COL23A1: variants seen among roughly 807,000 people sequenced by gnomAD.
The protein encoded by COL23A1 is collagen alpha-1(XXIII) chain.
In COL23A1, 97 loss-of-function variants were observed where a neutral mutation model predicts 99.3. The observed-to-expected ratio is 0.98, with a 90% CI of 0.83 to 1.16. The LOEUF (loss-of-function observed/expected upper bound fraction) is 1.16. Among genes scored for constraint, COL23A1 ranks in the 50% most tolerant of loss-of-function variants. The pLI is 0.00. For synonymous variants in COL23A1, 320 were observed against 308.2 expected, an observed-to-expected ratio of 1.04 and a Z score of -0.40; for missense variants, 762 against 757.4, an observed-to-expected ratio of 1.01 and a Z score of -0.07.
chr5:178,285,213 T>C (rs1187777417), intron 5 of COL23A1, among the ~76,000 whole-genome samples: 1 of 152,166 alleles, frequency 6.6e-6, no homozygotes, highest in African/African-American at 2.4e-5. Flanking sequence ...CACATGGACC[T>C]GGTTTCAGCT....
At chr5:178,258,262 T>TATATATATATACACAC in intron 12 of COL23A1, among the ~76,000 whole-genome samples, 14 of 104,066 alleles carry the variant, frequency 1.3e-4, no homozygotes, top group Non-Finnish European at 2.5e-4. Flanking sequence ...TATATATATA[T>TATATATATATACACAC]ACACATGCAA....
At chr5:178,419,765 G>A (rs1036999126) in intron 2 of COL23A1, among the ~76,000 whole-genome samples, 1 of 152,192 alleles carries the variant, frequency 6.6e-6, no homozygotes, top group Non-Finnish European at 1.5e-5. Context: ...TAACTTACTA[G>A]TATGCACCTG....
intron 2 of COL23A1, among the ~76,000 whole-genome samples, chr5:178,418,759 C>T (rs4349734): frequency 0.59 from 89,040 of 152,178 alleles, 27,466 homozygotes; most frequent in African/African-American, 0.79. Context: ...CCGTGCAGCA[C>T]CCTCTGCTTG....
At position 178,406,460 on chromosome 5, in the gene COL23A1, C is replaced by T. The variant is rs185502058; in HGVS notation, c.362-99541G>A. On this transcript the variant is annotated intron_variant, in intron 2 of 28. Coordinates refer to ENST00000390654, the MANE Select transcript of COL23A1 (RefSeq NM_173465.4). ...TTTTTTTTTTCTTGAGACGGAGTCT[C>T]GCTCTGTCATCCAGGCTGGAGTGAA... 8.9e-4 allele frequency among the ~76,000 whole-genome samples: 131 copies of T among 146,590 alleles called. 1 individual carries two copies. Among genetic ancestry groups the T allele is most frequent in the African/African-American group, 3.1e-3 (122 of 39,908 alleles).
chr5:178,477,527 A>G (rs1757095841), intron 2 of COL23A1, among the ~76,000 whole-genome samples: 1 of 152,194 alleles, frequency 6.6e-6, no homozygotes, highest in Non-Finnish European at 1.5e-5. Flanking sequence ...AGTGTCTTTC[A>G]TGTCTCCTTA....
At chr5:178,258,105 G>A (rs1382665530) in intron 12 of COL23A1, among the ~76,000 whole-genome samples, 1 of 151,780 alleles carries the variant, frequency 6.6e-6, no homozygotes, top group South Asian at 2.1e-4. Context: ...AAAATTAGCC[G>A]GGCATGGTGG....
At position 178,589,937 on chromosome 5, in the gene COL23A1, C is replaced by T; in HGVS notation, c.261G>A (p.Trp87Ter). The T allele has an allele frequency of 4.5e-6, 6 of 1,332,448 alleles. No individual in the cohort carries two copies. The highest frequency in any genetic ancestry group is 5.7e-6 in the Non-Finnish European group (6 of 1,048,810). 82.5% of individuals were successfully genotyped at this position (1,332,448 alleles called of 1,614,324 possible). A position where few individuals can be genotyped will look rare whatever the true frequency, so the allele number is the denominator to read the frequency against. ...GCAGGCGCTCCAGGTGCGGCTCGGC[C>T]CAGGCGTCCAGGGCGCCTGGCGGCC... The part of the protein sequence containing the change: ...RAGPPGALDA[W>*]AEPHLERLLR... The change falls in exon 1 of 29, where the codon TGG becomes TGA. Residue 87 changes from tryptophan (W) to a stop codon, truncating the protein, a stop_gained. Coordinates refer to ENST00000390654, the MANE Select transcript of COL23A1 (RefSeq NM_173465.4). LOFTEE classifies it high-confidence loss of function. This position sits in a 1 kb window ranked among gnomAD's most constrained non-coding sequence, Gnocchi z 5.4.
rs554960973 is a variant in COL23A1, at chr5:178,556,388, C to T, written c.361+4294G>A. On this transcript the variant is annotated intron_variant, in intron 2 of 28. Coordinates refer to ENST00000390654, the MANE Select transcript of COL23A1 (RefSeq NM_173465.4). ...CTATAATCCCAGTACTTTGGGAGGC[C>T]GAGGCGGGTGTATCACCTGAGGTCA... 1.1e-4 allele frequency among the ~76,000 whole-genome samples: 16 copies of T among 151,990 alleles called. 1 individual carries two copies. In the East Asian group the frequency reaches 1.4e-3, roughly 13 times the overall value.
chr5:178,312,096 A>G (rs1030639286), intron 2 of COL23A1, among the ~76,000 whole-genome samples: 3 of 152,194 alleles, frequency 2.0e-5, no homozygotes, highest in Non-Finnish European at 4.4e-5. Context: ...GCACCTCAGC[A>G]ACACTGCAGG....
At chr5:178,278,477 T>C (rs1191359740) in intron 5 of COL23A1, among the ~76,000 whole-genome samples, 1 of 152,266 alleles carries the variant, frequency 6.6e-6, no homozygotes, top group Non-Finnish European at 1.5e-5. Context: ...TGTGCGGAAC[T>C]GCACCCCGAT....
At chr5:178,263,345 C>A in intron 8 of COL23A1, 21 bp from the exon 9 acceptor site, 1 of 1,482,898 alleles carries the variant, frequency 6.7e-7, no homozygotes, top group Non-Finnish European at 9.2e-7. Context: ...TGGGGCTTGG[C>A]ATGACTCTGA....
chr5:178,538,765 A>C (rs1175828796), intron 2 of COL23A1, among the ~76,000 whole-genome samples: 1 of 152,226 alleles, frequency 6.6e-6, no homozygotes, highest in Non-Finnish European at 1.5e-5. Flanking sequence ...TCCCACACAC[A>C]CTTGTACAAG....
At chr5:178,565,713 C>T (rs1477182480) in intron 1 of COL23A1, among the ~76,000 whole-genome samples, 1 of 152,076 alleles carries the variant, frequency 6.6e-6, no homozygotes, top group Non-Finnish European at 1.5e-5. Context: ...AAAATTGAGA[C>T]AGAAAGAGAA....
At chr5:178,245,333 C>CATCCATCCATCCATCATTCATCTATT (rs1561783374) in intron 25 of COL23A1, among the ~76,000 whole-genome samples, 90 of 147,708 alleles carry the variant, frequency 6.1e-4, no homozygotes, top group African/African-American at 2.2e-3. Context: ...TCCATCCATC[C>CATCCATCCATCCATCATTCATCTATT]ATCCATCCAT....
chr5:178,556,667 A>AAAATT lies in COL23A1; in HGVS notation c.361+4014_361+4015insAATTT, dbSNP rs1367642868. 4.4e-4 allele frequency among the ~76,000 whole-genome samples: 66 copies of AAAATT among 150,854 alleles called. 1 individual carries two copies. The highest frequency in any genetic ancestry group is 3.4e-3 in the Middle Eastern group (1 of 290). Reference sequence around the variant, plus strand: ...AAAATAAAATAAAATAAAATAAAATAAAAAAGCTGAGTGTGGTAGCTCATG... The same window carrying AAAATT: ...AAAATAAAATAAAATAAAATAAAATAAAATTAAAAAGCTGAGTGTGGTAGCTCATG... On this transcript the variant is annotated intron_variant, in intron 2 of 28. Transcript: ENST00000390654.
intron 2 of COL23A1, among the ~76,000 whole-genome samples, chr5:178,529,644 G>A (rs977963245): frequency 3.9e-5 from 6 of 152,164 alleles, no homozygotes; most frequent in Non-Finnish European, 7.3e-5. Context: ...GTCCCTCTGT[G>A]CCAAGCCCAG....
In COL23A1 at chr5:178,249,181, G is replaced by A. The variant is rs1472809385; in HGVS notation, c.1085C>T (p.Pro362Leu). ...EKGPKGQKGD[P>L]GEPGPAGLKG... The stretch of plus-strand genomic sequence containing the variant: ...GAGTCCTGCTGGCCCAGGCTCTCCT[G>A]GGTCTCCTTTCTGTCCTTTGGGGCC... Residue 362 changes from proline (P) to leucine (L), a missense_variant, in exon 19 of 29, where the codon CCA (proline) becomes CTA (leucine). By Grantham distance (98) the Pro-to-Leu change is moderately conservative. Coordinates refer to ENST00000390654, the MANE Select transcript of COL23A1 (RefSeq NM_173465.4). The A allele has an allele frequency of 3.1e-6, 5 of 1,614,108 alleles. No individual in the cohort carries two copies. Among genetic ancestry groups the A allele is most frequent in the Non-Finnish European group, 3.4e-6 (4 of 1,180,032 alleles).
intron 4 of COL23A1, chr5:178,288,616 G>C (rs940525256): frequency 3.4e-6 from 2 of 588,268 alleles, no homozygotes; most frequent in Admixed American, 6.0e-5. Flanking sequence ...CCCCACGCTG[G>C]CCAGGCATAG....
At chr5:178,444,665 G>A (rs1767061403) in intron 2 of COL23A1, among the ~76,000 whole-genome samples, 1 of 152,162 alleles carries the variant, frequency 6.6e-6, no homozygotes, top group Non-Finnish European at 1.5e-5. Context: ...GTGTGGTGGT[G>A]TACATCTGTA....
Sources: gnomAD v4.1 joint callset for allele counts (sites outside exome capture counted in the v4.1 genomes callset) on GRCh38, gnomAD v4.1.1 for gene constraint, Gnocchi (gnomAD v3.1) non-coding constraint, MANE v1.5 for transcripts, NCBI Gene and HGNC (gene_info 2026-07-23, HGNC 2026-07-21) for gene names.